ARHGAP22: variants seen among roughly 807,000 people sequenced by gnomAD.
ARHGAP22 encodes the protein rho GTPase-activating protein 22.
Under a neutral mutation model 59.1 loss-of-function variants are expected in ARHGAP22, and 48 were observed. The observed-to-expected ratio is 0.81, with a 90% CI of 0.64 to 1.03. ARHGAP22 has a LOEUF of 1.03. Among genes scored for constraint, ARHGAP22 ranks in the 50% least tolerant of loss-of-function variants. ARHGAP22 has a pLI of 0.00. For synonymous variants in ARHGAP22, 445 were observed against 416.4 expected (o/e 1.07, Z -0.84); for missense variants, 1,015 against 958.7 (o/e 1.06, Z -0.78).
chr10:48,451,158 G>A lies in ARHGAP22; in HGVS notation c.989-18C>T, dbSNP rs555116106. On this transcript the variant is annotated intron_variant, in intron 8 of 9. Coordinates refer to ENST00000249601, the MANE Select transcript of ARHGAP22 (RefSeq NM_021226.4). Reference sequence around the variant, plus strand: ...GGAAGTGCCTGCCGGGAAGAGAGGCGGAGAAGGGCCTTGCTGCCAGCCACT... The same window carrying A: ...GGAAGTGCCTGCCGGGAAGAGAGGCAGAGAAGGGCCTTGCTGCCAGCCACT... 1.4e-5 allele frequency: 22 copies of A among 1,550,806 alleles called. No individual in the cohort carries two copies. The South Asian group carries it at 1.5e-4, about 11-fold the overall frequency.
chr10:48,472,828 C>A (rs202007059), intron 4 of ARHGAP22, among the ~76,000 whole-genome samples: 191 of 150,604 alleles, frequency 1.3e-3, no homozygotes, highest in East Asian at 2.7e-3. Flanking sequence ...AAAAAAAAAC[C>A]AAAAAAAACA....
At chr10:48,492,606 T>G (rs2050511257) in intron 3 of ARHGAP22, among the ~76,000 whole-genome samples, 1 of 152,112 alleles carries the variant, frequency 6.6e-6, no homozygotes, top group Non-Finnish European at 1.5e-5. Context: ...CCAACTGGAG[T>G]GTAGTGGCAC....
intron 1 of ARHGAP22, among the ~76,000 whole-genome samples, chr10:48,613,861 G>T (rs1447262145): frequency 6.6e-6 from 1 of 152,304 alleles, no homozygotes; most frequent in African/African-American, 2.4e-5. Flanking sequence ...CTTTAAAGAG[G>T]TGATCAGGCC....
At chr10:48,548,800 G>A (rs768229630) in intron 3 of ARHGAP22, among the ~76,000 whole-genome samples, 3 of 152,238 alleles carry the variant, frequency 2.0e-5, no homozygotes, top group African/African-American at 4.8e-5. Context: ...CAAGACAGAA[G>A]TACCAGGTGG....
At chr10:48,607,487 C>A (rs1207058634), upstream of ARHGAP22, among the ~76,000 whole-genome samples, 1 of 152,196 alleles carries the variant, frequency 6.6e-6, no homozygotes, top group African/African-American at 2.4e-5. Context: ...ATTGGAGCCC[C>A]TTCATCCTGA....
intron 3 of ARHGAP22, among the ~76,000 whole-genome samples, chr10:48,489,923 TG>T (rs1401416358): frequency 2.0e-5 from 3 of 152,170 alleles, no homozygotes; most frequent in Non-Finnish European, 4.4e-5. Context: ...TTAGTAGAGA[TG>T]GGGTTTCACC....
chr10:48,443,051 T>G (rs1589371443), downstream of ARHGAP22, among the ~76,000 whole-genome samples: 2 of 152,266 alleles, frequency 1.3e-5, no homozygotes, highest in African/African-American at 4.8e-5. Context: ...TGAGAAGCTT[T>G]ATGGGAATAA....
At chr10:48,579,733 A>G (rs1207974096) in intron 2 of ARHGAP22, among the ~76,000 whole-genome samples, 2 of 152,100 alleles carry the variant, frequency 1.3e-5, no homozygotes, top group Admixed American at 1.3e-4. Flanking sequence ...CTTCTTCCGG[A>G]CAGTTACATC....
At chr10:48,590,705 C>T (rs1459537722) in intron 1 of ARHGAP22, among the ~76,000 whole-genome samples, 4 of 152,176 alleles carry the variant, frequency 2.6e-5, no homozygotes, top group South Asian at 4.1e-4. Flanking sequence ...GTGGGCTGCA[C>T]GCCTTCCCAG....
At chr10:48,455,965 T>C (rs2046457244) in intron 5 of ARHGAP22, among the ~76,000 whole-genome samples, 1 of 152,194 alleles carries the variant, frequency 6.6e-6, no homozygotes, top group Non-Finnish European at 1.5e-5. Context: ...AGTCTCCCGC[T>C]CTGGCTCGGA....
the ARHGAP22 span, chr10:48,435,147 A>G: frequency 1.3e-5 from 10 of 772,802 alleles, no homozygotes; most frequent in African/African-American, 1.2e-4. Context: ...TGTAGAATTC[A>G]TTTTGTAGTA....
intron 1 of ARHGAP22, among the ~76,000 whole-genome samples, chr10:48,587,961 G>T (rs947196592): frequency 1.3e-5 from 2 of 152,262 alleles, no homozygotes; most frequent in African/African-American, 4.8e-5. Context: ...AGGCATGCCT[G>T]CCCCAAGAAG....
intron 3 of ARHGAP22, among the ~76,000 whole-genome samples, chr10:48,534,692 C>G (rs922440483): frequency 2.0e-5 from 3 of 152,232 alleles, no homozygotes; most frequent in African/African-American, 7.2e-5. Context: ...CTCCATTTTA[C>G]AGATGGGGAA....
chr10:48,622,985 C>T (rs1273540852), intron 1 of ARHGAP22, among the ~76,000 whole-genome samples: 1 of 152,194 alleles, frequency 6.6e-6, no homozygotes, highest in Non-Finnish European at 1.5e-5. Context: ...TGCTTATTCT[C>T]AGAATATTTT....
intron 3 of ARHGAP22, among the ~76,000 whole-genome samples, chr10:48,519,300 G>A (rs945561640): frequency 6.6e-6 from 1 of 152,194 alleles, no homozygotes; most frequent in Admixed American, 6.5e-5. Flanking sequence ...TCCTGCCCAG[G>A]TCCACTGGCC....
intron 3 of ARHGAP22, among the ~76,000 whole-genome samples, chr10:48,492,845 C>T (rs1354290553): frequency 1.3e-5 from 2 of 152,076 alleles, no homozygotes. Flanking sequence ...CTGCACTCAG[C>T]CAAAAATAAA....
chr10:48,462,858 G>A (rs1183485488), intron 4 of ARHGAP22, among the ~76,000 whole-genome samples: 1 of 152,202 alleles, frequency 6.6e-6, no homozygotes, highest in African/African-American at 2.4e-5. Flanking sequence ...GGAGGCTCCA[G>A]GGCCCACCAC....
intron 2 of ARHGAP22, among the ~76,000 whole-genome samples, chr10:48,562,060 A>G (rs755973440): frequency 6.6e-6 from 1 of 152,106 alleles, no homozygotes; most frequent in Non-Finnish European, 1.5e-5. Context: ...CCCTGTCTCT[A>G]TTAAAAAATA....
intron 3 of ARHGAP22, among the ~76,000 whole-genome samples, chr10:48,526,483 C>T (rs1320880315): frequency 6.6e-6 from 1 of 152,214 alleles, no homozygotes; most frequent in Non-Finnish European, 1.5e-5. Flanking sequence ...AACAGAGAGA[C>T]CTGACTTCTG....
Sources: gnomAD v4.1 joint callset for allele counts (sites outside exome capture counted in the v4.1 genomes callset) on GRCh38, gnomAD v4.1.1 for gene constraint, MANE v1.5 for transcripts, NCBI Gene and HGNC (gene_info 2026-07-23, HGNC 2026-07-21) for gene names.